The following ZNF236 variants were observed in gnomAD, a reference collection of about 807,000 sequenced individuals.
The protein encoded by ZNF236 is zinc finger protein 236.
Under a neutral mutation model 191.2 loss-of-function variants are expected in ZNF236, and 50 were observed. The observed-to-expected ratio is 0.26, with a 90% CI of 0.21 to 0.33. The LOEUF is 0.33. Among genes scored for constraint, ZNF236 ranks in the 10% least tolerant of loss-of-function variants. The pLI is 1.00. For synonymous variants in ZNF236, 907 were observed against 928.8 expected (o/e 0.98, Z 0.43); for missense variants, 1,754 against 2,374.5 (o/e 0.74, Z 5.43).
intron 6 of ZNF236, among the ~76,000 whole-genome samples, chr18:76,876,845 A>G (rs1034278087): frequency 6.6e-6 from 1 of 151,972 alleles, no homozygotes; most frequent in Non-Finnish European, 1.5e-5. Flanking sequence ...ACTTGTCAGT[A>G]CTCCTGAGTT....
intron 1 of ZNF236, among the ~76,000 whole-genome samples, chr18:76,844,016 G>C (rs1975601801): frequency 6.6e-6 from 1 of 151,880 alleles, no homozygotes; most frequent in African/African-American, 2.4e-5. Flanking sequence ...ACTTTGGGAG[G>C]CTGAGGCGGC....
intron 1 of ZNF236, among the ~76,000 whole-genome samples, chr18:76,823,756 A>C (rs1038167364): frequency 1.3e-5 from 2 of 152,110 alleles, no homozygotes; most frequent in Non-Finnish European, 2.9e-5. Flanking sequence ...AGCTTGAGGA[A>C]CGGACTTTCC....
At chr18:76,853,119 C>T (rs1975930321) in intron 3 of ZNF236, among the ~76,000 whole-genome samples, 1 of 151,502 alleles carries the variant, frequency 6.6e-6, no homozygotes, top group South Asian at 2.1e-4. Context: ...GCTTTTGTTG[C>T]CCAGGCTGGA....
At chr18:76,830,671 T>C (rs879045952) in intron 1 of ZNF236, among the ~76,000 whole-genome samples, 2 of 152,194 alleles carry the variant, frequency 1.3e-5, no homozygotes, top group Admixed American at 1.3e-4. Flanking sequence ...CTCATAATGT[T>C]TTAGGCAAGT....
Position 76,835,450 on chromosome 18 carries a change from A to G in ZNF236, c.55+12788A>G, listed in dbSNP as rs528994794. ...TGTGAATTTGTCTATTCTTCTGTCA[A>G]TCTTTATATTTTGAGCTACATTTTT... On this transcript the variant is annotated intron_variant, in intron 1 of 30. Coordinates refer to ENST00000320610, the MANE Select transcript of ZNF236 (RefSeq NM_001306089.2). Among the ~76,000 whole-genome samples, 521 of 152,272 alleles carry G rather than the reference A, an allele frequency of 3.4e-3. 5 individuals carry two copies. Among genetic ancestry groups the G allele is most frequent in the African/African-American group, 0.012 (499 of 41,554 alleles).
intron 17 of ZNF236, among the ~76,000 whole-genome samples, chr18:76,913,358 C>T (rs894910140): frequency 6.6e-6 from 1 of 152,146 alleles, no homozygotes; most frequent in African/African-American, 2.4e-5. Context: ...AGTGATTCTG[C>T]TTCTGAGGCA....
At chr18:76,876,968 T>TA (rs1976734836) in intron 6 of ZNF236, among the ~76,000 whole-genome samples, 1 of 152,174 alleles carries the variant, frequency 6.6e-6, no homozygotes, top group African/African-American at 2.4e-5. Context: ...AAAGATTGGT[T>TA]CATAAATATT....
chr18:76,847,054 G>A (rs187976644), intron 1 of ZNF236, among the ~76,000 whole-genome samples: 1 of 149,642 alleles, frequency 6.7e-6, no homozygotes, highest in East Asian at 2.0e-4. Flanking sequence ...TGGGCTCCCA[G>A]AGTGTTGGAA....
At chr18:76,899,372 T>G (rs770906181) in intron 11 of ZNF236, 150 bp downstream of exon 11, 1 of 654,814 alleles carries the variant, frequency 1.5e-6, no homozygotes, top group Non-Finnish European at 2.5e-6. Context: ...TGTTTTGCTT[T>G]ATGGACTAGT....
In ZNF236 at chr18:76,851,889, T is replaced by G. The variant is rs1036185680; in HGVS notation, c.313T>G (p.Ser105Ala). 1.2e-6 allele frequency: 2 copies of G among 1,613,890 alleles called. No individual in the cohort carries two copies. The highest frequency in any genetic ancestry group is 1.3e-5 in the African/African-American group (1 of 75,052). The change falls in exon 3 of 31, where the codon TCC becomes GCC. Residue 105 changes from serine to alanine, a missense_variant. Ser to Ala is a moderately conservative substitution (Grantham distance 99). This residue lies in a region of ZNF236 where 336 missense variants were observed against 495.1 expected (regional missense o/e 0.68). Transcript: ENST00000320610. ...CTGCCCTGTGTGTAACAAGAAATTCTCCAGAGTGGCTAGTCTCAAAGCGCA... is the reference window on the plus strand; with the variant it reads ...CTGCCCTGTGTGTAACAAGAAATTCGCCAGAGTGGCTAGTCTCAAAGCGCA... ...PTCPVCNKKF[S>A]RVASLKAHIM...
At chr18:76,862,949 C>G (rs1486276816) in intron 3 of ZNF236, among the ~76,000 whole-genome samples, 1 of 152,118 alleles carries the variant, frequency 6.6e-6, no homozygotes, top group East Asian at 1.9e-4. Context: ...TACTTTAAAG[C>G]AGCTGTCAAG....
Position 76,836,490 on chromosome 18 carries a change from G to T in ZNF236, c.56-13036G>T, listed in dbSNP as rs190978721. ...CTTAGCATCCCAAGTAGCTGGGACT[G>T]CAGGTGTGAGCTACCATGCCTGGCC... On this transcript the variant is annotated intron_variant, in intron 1 of 30. Transcript: ENST00000320610. Among the ~76,000 whole-genome samples the T allele has an allele frequency of 2.8e-3, 426 of 152,124 alleles. 1 individual carries two copies. Among genetic ancestry groups the T allele is most frequent in the Middle Eastern group, 0.017 (5 of 294 alleles).
chr18:76,838,240 C>T (rs73487053), intron 1 of ZNF236, among the ~76,000 whole-genome samples: 9,328 of 152,246 alleles, frequency 0.061, 523 homozygotes, highest in African/African-American at 0.15. Flanking sequence ...CATAAAGTTA[C>T]TATTTAGGAG....
intron 12 of ZNF236, 131 bp from the exon 13 acceptor site, chr18:76,905,024 G>GC (rs2122742176): frequency 2.0e-6 from 2 of 985,154 alleles, no homozygotes; most frequent in East Asian, 5.3e-5. Context: ...AATGTGGAGA[G>GC]CTCCGGCATT....
At chr18:76,944,514 G>A (rs1322159424) in intron 26 of ZNF236, among the ~76,000 whole-genome samples, 4 of 152,158 alleles carry the variant, frequency 2.6e-5, no homozygotes, top group African/African-American at 9.7e-5. Flanking sequence ...GGTTGGCTGG[G>A]GGTGTGGTGG....
intron 1 of ZNF236, among the ~76,000 whole-genome samples, chr18:76,845,362 G>A (rs913632558): frequency 2.0e-5 from 3 of 152,236 alleles, no homozygotes; most frequent in African/African-American, 7.2e-5. Flanking sequence ...TGTCTTCTTA[G>A]GGGGCAGAAA....
At chr18:76,965,766 G>A (rs576038132) in intron 30 of ZNF236, among the ~76,000 whole-genome samples, 13 of 152,316 alleles carry the variant, frequency 8.5e-5, no homozygotes, top group Non-Finnish European at 1.0e-4. Context: ...CATGGGTACC[G>A]GTGCCTGTTC....
At chr18:76,824,214 T>C in intron 1 of ZNF236, 1 of 712,348 alleles carries the variant, frequency 1.4e-6, no homozygotes, top group Non-Finnish European at 2.6e-6. Context: ...AAAGAGGTAA[T>C]GGGTAGGAAT....
chr18:76,872,915 CT>C (rs557550613), intron 5 of ZNF236, among the ~76,000 whole-genome samples: 5 of 150,888 alleles, frequency 3.3e-5, no homozygotes, highest in Non-Finnish European at 3.0e-5. Flanking sequence ...TGTTACATTG[CT>C]TTTTTTTTAT....
Sources: gnomAD v4.1 joint callset for allele counts (sites outside exome capture counted in the v4.1 genomes callset) on GRCh38, gnomAD v4.1.1 for gene constraint, gnomAD v4.1.1 regional missense constraint, MANE v1.5 for transcripts, NCBI Gene and HGNC (gene_info 2026-07-23, HGNC 2026-07-21) for gene names.